AKAP6: variants seen among roughly 807,000 people sequenced by gnomAD.
The protein encoded by AKAP6 is A-kinase anchoring protein 6.
In AKAP6, 58 loss-of-function variants were observed where a neutral mutation model predicts 188.5. The ratio of observed to expected loss-of-function variants is 0.31; its 90% CI spans 0.25 to 0.38. AKAP6 has a LOEUF of 0.38. Ranked by LOEUF, AKAP6 falls within the 10% of genes least tolerant of loss-of-function variation. AKAP6 has a pLI of 1.00. For missense variants in AKAP6, 2,710 were observed against 2,740.0 expected (o/e 0.99, Z 0.24); for synonymous variants, 989 against 998.6 (o/e 0.99, Z 0.18).
At chr14:32,504,352 G>T (rs1230079098) in intron 2 of AKAP6, among the ~76,000 whole-genome samples, 1 of 151,994 alleles carries the variant, frequency 6.6e-6, no homozygotes, top group Non-Finnish European at 1.5e-5. Context: ...ATGATCTTGG[G>T]TCATGGCAAC....
At chr14:32,410,961 T>C (rs1462114005) in intron 1 of AKAP6, among the ~76,000 whole-genome samples, 1 of 152,186 alleles carries the variant, frequency 6.6e-6, no homozygotes, top group Non-Finnish European at 1.5e-5. Flanking sequence ...CATGCATAAC[T>C]TGAACTAGTA....
intron 2 of AKAP6, among the ~76,000 whole-genome samples, chr14:32,452,521 T>G (rs1403428411): frequency 6.6e-6 from 1 of 152,188 alleles, no homozygotes; most frequent in African/African-American, 2.4e-5. Context: ...TTGGAATTGC[T>G]TAGTCAGACT....
intron 1 of AKAP6, among the ~76,000 whole-genome samples, chr14:32,358,368 C>T (rs1037671415): frequency 2.6e-5 from 4 of 152,170 alleles, no homozygotes; most frequent in Admixed American, 6.5e-5. Context: ...GGTTGATGCT[C>T]AACACACAAA....
In AKAP6 at chr14:32,397,618, T is replaced by C. The variant is rs141110849; in HGVS notation, c.-34-35842T>C. Among the ~76,000 whole-genome samples, 1,140 of 152,250 alleles carry C rather than the reference T, an allele frequency of 7.5e-3. 18 individuals carry two copies. Among genetic ancestry groups the C allele is most frequent in the African/African-American group, 0.026 (1,090 of 41,532 alleles). ...TGACTTGAATATCTTTATTCCCCAA[T>C]TGGATTTAACACACACTTCTAAGCA... is the stretch of plus-strand genomic sequence containing the variant. On this transcript the variant is annotated intron_variant, in intron 1 of 13. Transcript: ENST00000280979.
intron 11 of AKAP6, among the ~76,000 whole-genome samples, chr14:32,767,544 A>G (rs1249518417): frequency 6.6e-6 from 1 of 152,154 alleles, no homozygotes; most frequent in Non-Finnish European, 1.5e-5. Flanking sequence ...AAAGGCACTC[A>G]ATAAGTACAT....
At chr14:32,611,431 T>C (rs1174116601) in intron 7 of AKAP6, among the ~76,000 whole-genome samples, 1 of 152,176 alleles carries the variant, frequency 6.6e-6, no homozygotes, top group Non-Finnish European at 1.5e-5. Flanking sequence ...AAATCAACTC[T>C]GTGTTCTTGT....
intron 2 of AKAP6, among the ~76,000 whole-genome samples, chr14:32,531,590 C>G (rs1882419315): frequency 6.7e-6 from 1 of 150,312 alleles, no homozygotes; most frequent in Non-Finnish European, 1.5e-5. Flanking sequence ...CAATCTATAC[C>G]AAACAGTTCC....
chr14:32,507,484 A>G (rs1265007891), intron 2 of AKAP6, among the ~76,000 whole-genome samples: 1 of 152,154 alleles, frequency 6.6e-6, no homozygotes, highest in African/African-American at 2.4e-5. Flanking sequence ...AGTTGTGCTT[A>G]TTAAGTGGTG....
intron 11 of AKAP6, among the ~76,000 whole-genome samples, chr14:32,772,574 T>TGTATGAAATGTCC (rs1337999899): frequency 6.6e-6 from 1 of 152,194 alleles, no homozygotes; most frequent in African/African-American, 2.4e-5. Flanking sequence ...GTGGGACATC[T>TGTATGAAATGTCC]GTATGAAATG....
chr14:32,622,291 TATA>T (rs1266529150), intron 7 of AKAP6, among the ~76,000 whole-genome samples: 1 of 152,114 alleles, frequency 6.6e-6, no homozygotes, highest in Non-Finnish European at 1.5e-5. Context: ...TATCACATGA[TATA>T]GTAGTGATAA....
chr14:32,510,418 ATATATACATATATATATGTG>A (rs1881151338), intron 2 of AKAP6, among the ~76,000 whole-genome samples: 1 of 104,394 alleles, frequency 9.6e-6, no homozygotes, highest in African/African-American at 4.3e-5. Flanking sequence ...ATATATGTAT[ATATATACATATATATATGTG>A]TATATATATA....
intron 5 of AKAP6, among the ~76,000 whole-genome samples, chr14:32,584,894 T>G (rs1233352957): frequency 6.6e-6 from 1 of 152,230 alleles, no homozygotes; most frequent in Non-Finnish European, 1.5e-5. Flanking sequence ...ATTCACCTGT[T>G]GATGGACATT....
At chr14:32,381,007 A>G (rs1368796141) in intron 1 of AKAP6, among the ~76,000 whole-genome samples, 1 of 152,124 alleles carries the variant, frequency 6.6e-6, no homozygotes, top group Non-Finnish European at 1.5e-5. Flanking sequence ...CACCTAGTCT[A>G]TGGTAGGAAT....
At chr14:32,670,803 G>T (rs1889158759) in intron 7 of AKAP6, among the ~76,000 whole-genome samples, 2 of 151,756 alleles carry the variant, frequency 1.3e-5, no homozygotes, top group African/African-American at 4.8e-5. Flanking sequence ...AAAGAAAAAA[G>T]TCTCCTTCTT....
chr14:32,554,746 GC>G (rs1883620882), intron 4 of AKAP6, among the ~76,000 whole-genome samples: 1 of 152,202 alleles, frequency 6.6e-6, no homozygotes, highest in Non-Finnish European at 1.5e-5. Flanking sequence ...TGGGTTAACA[GC>G]TGTATAATTC....
In AKAP6 at chr14:32,823,638, T is replaced by C; in HGVS notation, c.5825T>C (p.Leu1942Ser). Residue 1942 changes from leucine (L) to serine (S), a missense_variant, in exon 13 of 14, where the codon TTA becomes TCA. Leu to Ser is a moderately radical substitution (Grantham distance 145). Transcript: ENST00000280979. Reference protein sequence around the residue: ...HCKCKALMDSLDDSNTAGKEF... With the variant: ...HCKCKALMDSSDDSNTAGKEF... ...AAGTGTAAAGCACTTATGGATAGTT[T>C]AGATGATTCAAATACTGCTGGCAAG... is the stretch of plus-strand genomic sequence containing the variant. The C allele has an allele frequency of 6.2e-7, 1 of 1,613,804 alleles. No individual in the cohort carries two copies. The highest frequency in any genetic ancestry group is 8.5e-7 in the Non-Finnish European group (1 of 1,179,884).
chr14:32,803,798 AG>A (rs1275903584), intron 12 of AKAP6, among the ~76,000 whole-genome samples: 1 of 152,200 alleles, frequency 6.6e-6, no homozygotes, highest in Non-Finnish European at 1.5e-5. Context: ...GGTTTCCTAA[AG>A]GCATTTCAAA....
chr14:32,492,827 C>T (rs1408652370), intron 2 of AKAP6, among the ~76,000 whole-genome samples: 3 of 152,068 alleles, frequency 2.0e-5, no homozygotes, highest in Admixed American at 6.6e-5. Flanking sequence ...GAAAATATGC[C>T]TTTTTCTTAT....
chr14:32,570,884 A>G (rs888415503), intron 4 of AKAP6, among the ~76,000 whole-genome samples: 1 of 152,164 alleles, frequency 6.6e-6, no homozygotes, highest in Non-Finnish European at 1.5e-5. Context: ...TGCAAGTGTC[A>G]TAGTCAAGCT....
Sources: gnomAD v4.1 joint callset for allele counts (sites outside exome capture counted in the v4.1 genomes callset) on GRCh38, gnomAD v4.1.1 for gene constraint, MANE v1.5 for transcripts, NCBI Gene and HGNC (gene_info 2026-07-23, HGNC 2026-07-21) for gene names.